Variants in SLC35F3 observed in about 807,000 individuals in gnomAD.
SLC35F3 encodes the protein putative thiamine transporter SLC35F3.
A neutral mutation model predicts 49.9 loss-of-function variants in SLC35F3; 25 were observed. That is an observed-to-expected ratio of 0.50 (90% CI 0.37 to 0.70). The LOEUF (loss-of-function observed/expected upper bound fraction) is 0.70. Ranked by LOEUF, SLC35F3 falls within the 30% of genes least tolerant of loss-of-function variation. The pLI is 0.00. For missense variants in SLC35F3, 525 were observed against 639.8 expected (o/e 0.82, Z 1.94); for synonymous variants, 275 against 265.4 (o/e 1.04, Z -0.35).
At chr1:234,125,033 A>G (rs553425417) in intron 2 of SLC35F3, among the ~76,000 whole-genome samples, 1 of 152,292 alleles carries the variant, frequency 6.6e-6, no homozygotes, top group East Asian at 1.9e-4. Context: ...GATTCTAGGC[A>G]TTGTGTTTTA....
At chr1:234,207,521 T>C (rs1666992432) in intron 2 of SLC35F3, among the ~76,000 whole-genome samples, 1 of 29,608 alleles carries the variant, frequency 3.4e-5, no homozygotes, top group South Asian at 1.3e-3. Flanking sequence ...AAGATCTTTG[T>C]AGGCAGTGAC....
intron 2 of SLC35F3, among the ~76,000 whole-genome samples, chr1:234,195,481 C>T (rs1221747660): frequency 6.6e-6 from 1 of 152,176 alleles, no homozygotes; most frequent in African/African-American, 2.4e-5. Flanking sequence ...CCTGCCTATT[C>T]CACTGGCCTT....
At chr1:234,267,502 G>C (rs1400238922) in intron 3 of SLC35F3, among the ~76,000 whole-genome samples, 1 of 143,716 alleles carries the variant, frequency 7.0e-6, no homozygotes, top group Non-Finnish European at 1.5e-5. Flanking sequence ...CTGGCCGGGC[G>C]GGGGGCTGAC....
chr1:234,259,598 C>G (rs947351609), intron 3 of SLC35F3, among the ~76,000 whole-genome samples: 1 of 152,056 alleles, frequency 6.6e-6, no homozygotes, highest in Admixed American at 6.6e-5. Context: ...TGCTTGAACC[C>G]AGGAGGCAGA....
At chr1:234,053,919 A>C (rs934849710) in intron 2 of SLC35F3, among the ~76,000 whole-genome samples, 1 of 152,190 alleles carries the variant, frequency 6.6e-6, no homozygotes, top group Non-Finnish European at 1.5e-5. Flanking sequence ...TTGGCTTGAT[A>C]TGAAATTCTG....
At chr1:233,905,490 C>CCTCTGT (rs1661759087) in intron 1 of SLC35F3, 39 bp from the exon 2 acceptor site, 17 of 1,474,974 alleles carry the variant, frequency 1.2e-5, no homozygotes, top group Non-Finnish European at 1.6e-5. Flanking sequence ...TCCATGCTCC[C>CCTCTGT]CCTGCCCACC....
chr1:234,163,473 G>A (rs745851645), intron 2 of SLC35F3, among the ~76,000 whole-genome samples: 67 of 152,206 alleles, frequency 4.4e-4, no homozygotes, highest in Non-Finnish European at 6.8e-4. Flanking sequence ...GAGTGAGTGA[G>A]TGAGTGAGAG....
At chr1:233,915,178 T>C (rs1328107828) in intron 2 of SLC35F3, among the ~76,000 whole-genome samples, 3 of 152,244 alleles carry the variant, frequency 2.0e-5, no homozygotes, top group African/African-American at 7.2e-5. Context: ...TTTCCAGTGC[T>C]TGACCAGATC....
At chr1:233,998,455 C>G (rs1663498404) in intron 2 of SLC35F3, among the ~76,000 whole-genome samples, 1 of 151,526 alleles carries the variant, frequency 6.6e-6, no homozygotes, top group Non-Finnish European at 1.5e-5. Flanking sequence ...ACAGAATGAC[C>G]ATTTGTTGGA....
intron 2 of SLC35F3, among the ~76,000 whole-genome samples, chr1:234,229,485 A>G (rs910049707): frequency 6.6e-6 from 1 of 152,246 alleles, no homozygotes; most frequent in Non-Finnish European, 1.5e-5. Flanking sequence ...TGTAAAAGCT[A>G]TGCAGCATCA....
intron 2 of SLC35F3, among the ~76,000 whole-genome samples, chr1:234,175,101 C>A (rs529327575): frequency 6.6e-6 from 1 of 152,320 alleles, no homozygotes; most frequent in Admixed American, 6.5e-5. Flanking sequence ...AAGACGCATA[C>A]GGCTTTTGTA....
At chr1:234,263,508 G>C (rs1008784735) in intron 3 of SLC35F3, among the ~76,000 whole-genome samples, 2 of 152,138 alleles carry the variant, frequency 1.3e-5, no homozygotes, top group African/African-American at 4.8e-5. Context: ...TTTGAGCCTT[G>C]ATTTAAGGCT....
At chr1:234,311,961 GA>G (rs1657366454) in intron 4 of SLC35F3, among the ~76,000 whole-genome samples, 1 of 152,218 alleles carries the variant, frequency 6.6e-6, no homozygotes, top group Non-Finnish European at 1.5e-5. Flanking sequence ...ACAGTTGTGA[GA>G]ATAAGATGAT....
intron 4 of SLC35F3, among the ~76,000 whole-genome samples, chr1:234,314,572 C>T (rs1156494998): frequency 6.6e-6 from 1 of 152,152 alleles, no homozygotes; most frequent in African/African-American, 2.4e-5. Flanking sequence ...ACCAGCCTGG[C>T]CAACATGGTG....
chr1:234,292,004 T>C (rs993719790), intron 3 of SLC35F3, among the ~76,000 whole-genome samples: 1 of 152,106 alleles, frequency 6.6e-6, no homozygotes, highest in Non-Finnish European at 1.5e-5. Context: ...AGGGAAACCA[T>C]AGCTCACCAC....
At chr1:234,254,742 T>A (rs746397475) in intron 3 of SLC35F3, among the ~76,000 whole-genome samples, 53 of 152,258 alleles carry the variant, frequency 3.5e-4, no homozygotes, top group Non-Finnish European at 4.8e-4. Flanking sequence ...TCACTCTCTG[T>A]AAAGTTCACG....
At chr1:233,910,835 T>C (rs76325416) in intron 2 of SLC35F3, among the ~76,000 whole-genome samples, 1 of 152,198 alleles carries the variant, frequency 6.6e-6, no homozygotes, top group Non-Finnish European at 1.5e-5. Context: ...ATTTAAATGC[T>C]TTTTTCCAGA....
intron 2 of SLC35F3, among the ~76,000 whole-genome samples, chr1:234,024,256 G>T (rs574902526): frequency 6.6e-6 from 1 of 151,694 alleles, no homozygotes; most frequent in Non-Finnish European, 1.5e-5. Context: ...AGGAACTGAA[G>T]ATAATTCAGT....
At chr1:234,224,297 G>T (rs778489412) in intron 2 of SLC35F3, among the ~76,000 whole-genome samples, 23 of 152,120 alleles carry the variant, frequency 1.5e-4, no homozygotes, top group Admixed American at 4.6e-4. Context: ...GAACCCCTGG[G>T]CTCAAGCAAT....
Sources: gnomAD v4.1 joint callset for allele counts (sites outside exome capture counted in the v4.1 genomes callset) on GRCh38, gnomAD v4.1.1 for gene constraint, MANE v1.5 for transcripts, NCBI Gene and HGNC (gene_info 2026-07-23, HGNC 2026-07-21) for gene names.